Variants in SLC5A4 observed in about 807,000 individuals in gnomAD.
SLC5A4 encodes probable glucose sensor protein SLC5A4.
In SLC5A4, 55 loss-of-function variants were observed where a neutral mutation model predicts 70.3. That is an observed-to-expected ratio of 0.78 (90% CI 0.63 to 0.98). SLC5A4 has a LOEUF of 0.98. SLC5A4 is among the 50% of genes least tolerant of loss of function. The pLI is 0.00. For synonymous variants in SLC5A4, 268 were observed against 305.7 expected (o/e 0.88, Z 1.29); for missense variants, 735 against 839.2 (o/e 0.88, Z 1.53).
At chr22:32,271,761 T>C in the SLC5A4 span, 1 of 590,580 alleles carries the variant, frequency 1.7e-6, no homozygotes, top group Non-Finnish European at 3.2e-6. Flanking sequence ...CGCGGCTTCC[T>C]GTACTTCAAC....
the SLC5A4 span, among the ~76,000 whole-genome samples, chr22:32,312,778 C>CA: frequency 6.6e-6 from 1 of 152,176 alleles, no homozygotes; most frequent in South Asian, 2.1e-4. Context: ...CTGGGTATTT[C>CA]AGATCTCATC....
At chr22:32,232,085 G>T (rs1411406321) in intron 9 of SLC5A4, among the ~76,000 whole-genome samples, 1 of 152,056 alleles carries the variant, frequency 6.6e-6, no homozygotes, top group Non-Finnish European at 1.5e-5. Context: ...TTGCTGTATT[G>T]CTCAGGCTGG....
intron 5 of SLC5A4, among the ~76,000 whole-genome samples, chr22:32,239,579 TATTTATATATATATAAATTA>T (rs1285513109): frequency 0.016 from 494 of 30,490 alleles, 25 homozygotes; most frequent in South Asian, 0.019. Flanking sequence ...TTTATATATA[TATTTATATATATATAAATTA>T]TATAAAATAT....
chr22:32,274,154 T>C, the SLC5A4 span, among the ~76,000 whole-genome samples: 1 of 151,882 alleles, frequency 6.6e-6, no homozygotes, highest in East Asian at 1.9e-4. Context: ...GTTCTCCCGC[T>C]TCAGCCTCCC....
At chr22:32,274,310 G>A in the SLC5A4 span, among the ~76,000 whole-genome samples, 1 of 152,096 alleles carries the variant, frequency 6.6e-6, no homozygotes, top group African/African-American at 2.4e-5. Context: ...AAAGTGCTGG[G>A]ATTATAGGCA....
At chr22:32,225,982 A>G (rs1925375605) in intron 11 of SLC5A4, among the ~76,000 whole-genome samples, 159 bp from the exon 12 acceptor site, 1 of 152,236 alleles carries the variant, frequency 6.6e-6, no homozygotes, top group African/African-American at 2.4e-5. Flanking sequence ...CTTAATGGTG[A>G]TCTTTTAGTA....
the SLC5A4 span, among the ~76,000 whole-genome samples, chr22:32,332,067 C>T: frequency 1.3e-5 from 2 of 152,184 alleles, no homozygotes; most frequent in South Asian, 4.2e-4. Context: ...CCATGGACTC[C>T]ACTCCCTGGT....
At chr22:32,248,579 C>A (rs1170439680) in intron 4 of SLC5A4, among the ~76,000 whole-genome samples, 164 bp downstream of exon 4, 4 of 152,172 alleles carry the variant, frequency 2.6e-5, no homozygotes. Context: ...TAATTTTAGT[C>A]CATCAGGAAG....
At chr22:32,333,435 C>A in the SLC5A4 span, among the ~76,000 whole-genome samples, 1 of 152,132 alleles carries the variant, frequency 6.6e-6, no homozygotes, top group Non-Finnish European at 1.5e-5. Flanking sequence ...CACCTCAGGG[C>A]AGGGATGGGG....
chr22:32,304,302 G>T, the SLC5A4 span, among the ~76,000 whole-genome samples: 2,129 of 151,432 alleles, frequency 0.014, 24 homozygotes, highest in African/African-American at 0.019. Flanking sequence ...ATTTTTGTGG[G>T]GTTTTTTTCC....
rs147589001 is a variant in SLC5A4, at chr22:32,227,764, G to A, written c.1280+1430C>T. 8.6e-3 allele frequency among the ~76,000 whole-genome samples: 1,304 copies of A among 152,082 alleles called. 6 individuals are homozygous for A. The highest frequency in any genetic ancestry group is 0.014 in the Non-Finnish European group (940 of 67,992). ...CATCTGGCCAACATGGTGAAACCCC[G>A]TCTCTACTAAAAATACAAAAATTAG... On this transcript the variant is annotated intron_variant, in intron 11 of 14. Transcript: ENST00000266086.
chr22:32,269,519 A>G, the SLC5A4 span: 5 of 603,248 alleles, frequency 8.3e-6, no homozygotes, highest in Non-Finnish European at 1.6e-5. This position sits in a 1 kb window ranked among gnomAD's most constrained non-coding sequence, Gnocchi z 4.1. Context: ...GTGGCAGGAC[A>G]CGTGCTCCAT....
At chr22:32,309,432 AAG>A in the SLC5A4 span, among the ~76,000 whole-genome samples, 4 of 151,948 alleles carry the variant, frequency 2.6e-5, no homozygotes, top group African/African-American at 7.2e-5. Context: ...AGCAAAAAGT[AAG>A]AGTAGGCAGC....
At chr22:32,251,149 C>CAAAAAAAA (rs1169115054) in intron 3 of SLC5A4, among the ~76,000 whole-genome samples, 93 of 22,752 alleles carry the variant, frequency 4.1e-3, no homozygotes, top group East Asian at 9.4e-3. Flanking sequence ...AACAAATAAG[C>CAAAAAAAA]AAAAAAAAAA....
At chr22:32,252,281 ACTC>A (rs1213589101) in intron 2 of SLC5A4, among the ~76,000 whole-genome samples, 6 of 151,620 alleles carry the variant, frequency 4.0e-5, no homozygotes, top group Non-Finnish European at 2.9e-5. Context: ...TTCAGTCACT[ACTC>A]CTCAGAGCAG....
chr22:32,311,159 C>T, the SLC5A4 span, among the ~76,000 whole-genome samples: 1 of 152,212 alleles, frequency 6.6e-6, no homozygotes, highest in African/African-American at 2.4e-5. Context: ...ACTCACTTGT[C>T]CCTCGAACTG....
At chr22:32,331,982 C>G in the SLC5A4 span, among the ~76,000 whole-genome samples, 5 of 152,124 alleles carry the variant, frequency 3.3e-5, no homozygotes, top group African/African-American at 1.2e-4. Flanking sequence ...TCCCAGGCTG[C>G]TCAGCCCAGG....
the SLC5A4 span, chr22:32,271,211 T>A: frequency 3.9e-6 from 3 of 773,986 alleles, no homozygotes; most frequent in Non-Finnish European, 6.7e-6. Flanking sequence ...GACTGGCGGC[T>A]GGTGTTCTTG....
chr22:32,310,130 G>A, the SLC5A4 span, among the ~76,000 whole-genome samples: 1 of 152,070 alleles, frequency 6.6e-6, no homozygotes, highest in African/African-American at 2.4e-5. Context: ...TAAATCTCAA[G>A]GGATGCTTAC....
Sources: gnomAD v4.1 joint callset for allele counts (sites outside exome capture counted in the v4.1 genomes callset) on GRCh38, gnomAD v4.1.1 for gene constraint, Gnocchi (gnomAD v3.1) non-coding constraint, MANE v1.5 for transcripts, NCBI Gene and HGNC (gene_info 2026-07-23, HGNC 2026-07-21) for gene names.